The following FECH variants were observed in gnomAD, a reference collection of about 807,000 sequenced individuals.
FECH encodes the protein ferrochelatase.
FECH carries 40 observed loss-of-function variants against 56.9 expected under a neutral mutation model. The observed-to-expected ratio is 0.70, with a 90% CI of 0.55 to 0.92. The LOEUF is 0.92. FECH is among the 40% of genes least tolerant of loss of function. The probability of loss-of-function intolerance (pLI) is 0.00; values close to 1 mark genes in which losing one functional copy is unlikely to be tolerated. For missense variants in FECH, 431 were observed against 529.1 expected (o/e 0.81, Z 1.82); for synonymous variants, 175 against 198.6 (o/e 0.88, Z 1.00).
chr18:57,547,063 T>C lies in FECH; in HGVS notation c.*3649A>G, dbSNP rs1294255415. On this transcript the variant is annotated 3_prime_UTR_variant, in exon 11 of 11. Coordinates refer to ENST00000262093, the MANE Select transcript of FECH (RefSeq NM_000140.5). ...CTGTAGCCCCTGTGTTTTGGCCAAT[T>C]TCTCCCATTTGGAATGGGAACATTT... Among the ~76,000 whole-genome samples the C allele has an allele frequency of 6.6e-6, 1 of 151,996 alleles. No homozygotes were observed. The highest frequency in any genetic ancestry group is 1.5e-5 in the Non-Finnish European group (1 of 67,982).
chr18:57,573,588 A>T (rs994021287), intron 2 of FECH, among the ~76,000 whole-genome samples: 2 of 152,110 alleles, frequency 1.3e-5, no homozygotes, highest in Non-Finnish European at 2.9e-5. Context: ...TTAATTCATG[A>T]TATCAGTCTT....
Position 57,571,466 on chromosome 18 carries a change from G to A in FECH, c.389C>T (p.Ser130Phe). Residue 130 changes from serine to phenylalanine, a missense_variant, in exon 4 of 11, where the codon TCC becomes TTC. By Grantham distance (155) the Ser-to-Phe change is radical. Coordinates refer to ENST00000262093, the MANE Select transcript of FECH (RefSeq NM_000140.5). ...QEQYRRIGGG[S>F]PIKIWTSKQG... is the part of the protein sequence containing the mutation. ...CTTGGAAGTCCATATCTTGATGGGG[G>A]ATCCGCCTCCAATCCTGCGGTACTG... The A allele has an allele frequency of 1.2e-6, 2 of 1,613,958 alleles. No individual in the cohort carries two copies. The highest frequency in any genetic ancestry group is 1.7e-6 in the Non-Finnish European group (2 of 1,179,996).
At chr18:57,574,964 G>A (rs1361138077) in intron 2 of FECH, among the ~76,000 whole-genome samples, 2 of 152,098 alleles carry the variant, frequency 1.3e-5, no homozygotes, top group Non-Finnish European at 2.9e-5. Context: ...AAGAATCTTC[G>A]TATCCATTAA....
At chr18:57,571,983 T>A (rs2051117322) in intron 3 of FECH, among the ~76,000 whole-genome samples, 1 of 152,258 alleles carries the variant, frequency 6.6e-6, no homozygotes, top group Non-Finnish European at 1.5e-5. Flanking sequence ...TGCACAAGAA[T>A]GTTCACTGCA....
At chr18:57,573,470 A>T (rs1215484688) in intron 2 of FECH, 105 bp from the exon 3 acceptor site, 18 of 1,346,392 alleles carry the variant, frequency 1.3e-5, no homozygotes, top group Non-Finnish European at 1.8e-5. Context: ...ATACAAAGGT[A>T]AATACTATGG....
chr18:57,551,501 C>T (rs2050797990), intron 9 of FECH, 127 bp from the exon 10 acceptor site: 2 of 745,136 alleles, frequency 2.7e-6, no homozygotes, highest in South Asian at 1.5e-5. Flanking sequence ...CTGACTTCAA[C>T]TGTTCGCAGA....
At chr18:57,569,134 AG>A (rs1316238302) in intron 4 of FECH, among the ~76,000 whole-genome samples, 1 of 152,264 alleles carries the variant, frequency 6.6e-6, no homozygotes, top group Non-Finnish European at 1.5e-5. Context: ...CTTCACTAAA[AG>A]CAGTTACAAG....
chr18:57,575,741 G>A (rs1401662534), intron 2 of FECH, among the ~76,000 whole-genome samples: 1 of 152,154 alleles, frequency 6.6e-6, no homozygotes, highest in African/African-American at 2.4e-5. Context: ...ACATCTTAAT[G>A]GGCAATTTTT....
In FECH at chr18:57,546,066, A is replaced by G. The variant is rs1185602069; in HGVS notation, c.*4646T>C. Among the ~76,000 whole-genome samples, 1 of 152,170 alleles carries G rather than the reference A, an allele frequency of 6.6e-6. No homozygotes were observed. The highest frequency in any genetic ancestry group is 2.4e-5 in the African/African-American group (1 of 41,432). On this transcript the variant is annotated 3_prime_UTR_variant, in exon 11 of 11. Coordinates refer to ENST00000262093, the MANE Select transcript of FECH (RefSeq NM_000140.5). Reference sequence around the variant, plus strand: ...CTGAATAATCTTAATTTAGGGCATTAGTTTCCGGGTGAGCTCAGAATTTTC... The same window carrying G: ...CTGAATAATCTTAATTTAGGGCATTGGTTTCCGGGTGAGCTCAGAATTTTC...
Position 57,546,001 on chromosome 18 carries a change from C to A in FECH, c.*4711G>T, listed in dbSNP as rs2050715655. The stretch of plus-strand genomic sequence containing the variant: ...ATCCCCCACAGATACTAAAAGTTAT[C>A]CACACTCAGGTCTCCATTTTGCTAT... On this transcript the variant is annotated 3_prime_UTR_variant, in exon 11 of 11. Transcript: ENST00000262093. 6.6e-6 allele frequency among the ~76,000 whole-genome samples: 1 copy of A among 152,160 alleles called. No homozygotes were observed. Among genetic ancestry groups the A allele is most frequent in the Admixed American group, 6.5e-5 (1 of 15,276 alleles).
At chr18:57,560,438 C>A (rs192327080) in intron 6 of FECH, among the ~76,000 whole-genome samples, 1 of 152,330 alleles carries the variant, frequency 6.6e-6, no homozygotes, top group East Asian at 1.9e-4. Flanking sequence ...ACTGCTGGAG[C>A]CCAGAAGTTC....
At chr18:57,555,656 TA>T (rs2050858691) in intron 7 of FECH, among the ~76,000 whole-genome samples, 1 of 152,258 alleles carries the variant, frequency 6.6e-6, no homozygotes, top group Admixed American at 6.5e-5. Flanking sequence ...TTTTCTTCTA[TA>T]ACATATATTG....
At position 57,546,267 on chromosome 18, in the gene FECH, C is replaced by T. The variant is rs578202706; in HGVS notation, c.*4445G>A. Among the ~76,000 whole-genome samples the T allele has an allele frequency of 5.3e-4, 80 of 152,292 alleles. No individual in the cohort carries two copies. The highest frequency in any genetic ancestry group is 7.9e-4 in the Non-Finnish European group (54 of 68,034). On this transcript the variant is annotated 3_prime_UTR_variant, in exon 11 of 11. Transcript: ENST00000262093. Reference sequence around the variant, plus strand: ...CTGTGCCTTCACGTGCCCCCGTGCGCACACATAGACGTTCGCTTACAGCTG... The same window carrying T: ...CTGTGCCTTCACGTGCCCCCGTGCGTACACATAGACGTTCGCTTACAGCTG...
At chr18:57,556,103 T>C (rs939576133) in intron 7 of FECH, among the ~76,000 whole-genome samples, 1 of 152,202 alleles carries the variant, frequency 6.6e-6, no homozygotes, top group African/African-American at 2.4e-5. Flanking sequence ...CACTCCAGCC[T>C]GGGTGACAGA....
At chr18:57,572,106 G>A (rs538860149) in intron 3 of FECH, among the ~76,000 whole-genome samples, 6 of 152,018 alleles carry the variant, frequency 3.9e-5, no homozygotes, top group Admixed American at 1.3e-4. Flanking sequence ...CCTATATATC[G>A]ATATAACGTT....
At chr18:57,582,802 A>G (rs1464236165) in intron 1 of FECH, among the ~76,000 whole-genome samples, 1 of 151,118 alleles carries the variant, frequency 6.6e-6, no homozygotes, top group Non-Finnish European at 1.5e-5. Flanking sequence ...GGGTGCCTGT[A>G]GTTCCAGGCT....
chr18:57,576,665 C>T (rs1299859903), intron 2 of FECH, among the ~76,000 whole-genome samples: 1 of 152,230 alleles, frequency 6.6e-6, no homozygotes, highest in Non-Finnish European at 1.5e-5. Context: ...GGGGATGCTA[C>T]TCTGCCCTGC....
chr18:57,563,604 A>AAAAAAAAAAAAAC (rs2050976313), intron 5 of FECH, among the ~76,000 whole-genome samples: 1 of 149,300 alleles, frequency 6.7e-6, no homozygotes, highest in Non-Finnish European at 1.5e-5. Flanking sequence ...AAAAAAAAAA[A>AAAAAAAAAAAAAC]GTATGTTATT....
chr18:57,570,031 T>TTGTGTGTGTG (rs1317904142), intron 4 of FECH, among the ~76,000 whole-genome samples: 1 of 79,050 alleles, frequency 1.3e-5, no homozygotes, highest in South Asian at 4.5e-4. Context: ...GTTGTTGTTG[T>TTGTGTGTGTG]CGTGTGTGTG....
Sources: allele counts gnomAD v4.1 joint callset (sites outside exome capture counted in the v4.1 genomes callset), GRCh38; gene constraint gnomAD v4.1.1; transcripts MANE v1.5; gene names NCBI Gene and HGNC (gene_info 2026-07-23, HGNC 2026-07-21).